EPRS1: variants seen among roughly 807,000 people sequenced by gnomAD.
EPRS1 encodes bifunctional glutamate/proline--tRNA ligase.
EPRS1 carries 107 observed loss-of-function variants against 188.3 expected under a neutral mutation model. The ratio of observed to expected loss-of-function variants is 0.57; its 90% CI spans 0.49 to 0.67. The LOEUF (loss-of-function observed/expected upper bound fraction) is 0.67, where lower values mean the gene tolerates loss of function less well. Among genes scored for constraint, EPRS1 ranks in the 30% least tolerant of loss-of-function variants. The pLI, the probability that EPRS1 is intolerant of heterozygous loss-of-function variation, is 0.00. For synonymous variants in EPRS1, 596 were observed against 593.1 expected (o/e 1.00, Z -0.07); for missense variants, 1,577 against 1,802.2 (o/e 0.88, Z 2.26).
chr1:219,991,007 A>C (rs1377227493), intron 18 of EPRS1, among the ~76,000 whole-genome samples: 2 of 152,188 alleles, frequency 1.3e-5, no homozygotes, highest in African/African-American at 2.4e-5. Context: ...GAAAAGAAAC[A>C]ACCTATACAA....
In EPRS1 at chr1:220,022,471, G is replaced by T; in HGVS notation, c.991C>A (p.Gln331Lys). The change falls in exon 9 of 32, where the codon CAG becomes AAG. Residue 331 changes from glutamine (Q) to lysine (K), a missense_variant. Coordinates refer to ENST00000366923, the MANE Select transcript of EPRS1 (RefSeq NM_004446.3). ...QMWEEMKKGS[Q>K]FGQSCCLRAK... is the part of the protein sequence containing the mutation. ...CGCAAACAACAGGACTGACCAAACTGGCTCCCTTTTTTCATTTCTTCCCAC... is the reference window on the plus strand; with the variant it reads ...CGCAAACAACAGGACTGACCAAACTTGCTCCCTTTTTTCATTTCTTCCCAC... The T allele has an allele frequency of 3.7e-6, 6 of 1,613,662 alleles. No individual in the cohort carries two copies. Among genetic ancestry groups the T allele is most frequent in the Non-Finnish European group, 4.2e-6 (5 of 1,179,796 alleles).
chr1:220,023,893 C>T (rs1468084696), intron 8 of EPRS1, among the ~76,000 whole-genome samples: 2 of 152,190 alleles, frequency 1.3e-5, no homozygotes, highest in Admixed American at 6.5e-5. Context: ...GTGGCTCATG[C>T]CTGTAATCCC....
At chr1:220,027,258 A>C (rs938049068) in intron 6 of EPRS1, among the ~76,000 whole-genome samples, 1 of 152,068 alleles carries the variant, frequency 6.6e-6, no homozygotes, top group African/African-American at 2.4e-5. Flanking sequence ...CCCCGTCTCT[A>C]CTAAAAAAAA....
intron 1 of EPRS1, among the ~76,000 whole-genome samples, chr1:220,045,899 G>A (rs931802617): frequency 1.3e-5 from 2 of 152,198 alleles, no homozygotes; most frequent in African/African-American, 4.8e-5. Context: ...CTCCTGAGAG[G>A]AGGGACAGGA....
At chr1:219,986,442 C>T (rs972027165) in intron 20 of EPRS1, among the ~76,000 whole-genome samples, 5 of 152,174 alleles carry the variant, frequency 3.3e-5, no homozygotes, top group Non-Finnish European at 4.4e-5. Flanking sequence ...ATCTGCGATG[C>T]CAATATCAAG....
chr1:219,979,373 C>CT (rs1443247353), intron 27 of EPRS1, 45 bp downstream of exon 27: 4 of 1,434,506 alleles, frequency 2.8e-6, no homozygotes, highest in Admixed American at 3.7e-5. Context: ...GTAAATATGG[C>CT]TTGTATTTTA....
intron 20 of EPRS1, among the ~76,000 whole-genome samples, chr1:219,985,898 T>A (rs1429341046): frequency 6.6e-6 from 1 of 152,232 alleles, no homozygotes; most frequent in Non-Finnish European, 1.5e-5. Flanking sequence ...TGTATTTGCA[T>A]TTGCATTCTC....
chr1:219,974,882 T>C (rs796787089), intron 28 of EPRS1, among the ~76,000 whole-genome samples: 80 of 152,218 alleles, frequency 5.3e-4, no homozygotes, highest in African/African-American at 1.9e-3. Flanking sequence ...AAGGCACACA[T>C]ATAAACAACA....
chr1:220,008,765 G>GCAGCCTTGAACTCCTGAGCTCA (rs1661545089), intron 13 of EPRS1, among the ~76,000 whole-genome samples: 1 of 151,878 alleles, frequency 6.6e-6, no homozygotes, highest in Non-Finnish European at 1.5e-5. Context: ...GTCACAGCTC[G>GCAGCCTTGAACTCCTGAGCTCA]CTGCAGCCTT....
At chr1:220,022,067 A>C (rs1661887234) in intron 9 of EPRS1, among the ~76,000 whole-genome samples, 1 of 152,214 alleles carries the variant, frequency 6.6e-6, no homozygotes, top group Non-Finnish European at 1.5e-5. Context: ...AAAGATGTAC[A>C]TCACAGTATA....
At chr1:220,039,923 G>C (rs944585830) in intron 2 of EPRS1, among the ~76,000 whole-genome samples, 2 of 152,210 alleles carry the variant, frequency 1.3e-5, no homozygotes, top group Non-Finnish European at 2.9e-5. Context: ...TTGAGGCCAG[G>C]GGTTCGAAAC....
rs146737744 is a variant in EPRS1, at chr1:220,046,368, G to C, written c.21C>G (p.Thr7=). Residue 7 remains threonine, a synonymous_variant, in exon 1 of 32, where the codon ACC becomes ACG. Transcript: ENST00000366923. Reference sequence around the variant, plus strand: ...CTAGCGGAGGGTCTCCTGAATTCACGGTCAGAGAGAGCGTCGCCATCTCCA... The same window carrying C: ...CTAGCGGAGGGTCTCCTGAATTCACCGTCAGAGAGAGCGTCGCCATCTCCA... The part of the protein sequence containing the change: MATLSL[T]VNSGDPPLGA... The C allele has an allele frequency of 8.1e-6, 13 of 1,613,976 alleles. No homozygotes were observed. Among genetic ancestry groups the C allele is most frequent in the Admixed American group, 1.7e-5 (1 of 60,008 alleles).
Position 219,984,238 on chromosome 1 carries a change from T to C in EPRS1, c.3058A>G (p.Lys1020Glu), listed in dbSNP as rs1323306984. Residue 1020 changes from lysine to glutamate, a missense_variant, in exon 21 of 32, where the codon AAA becomes GAA. Around this residue, in one of 3 missense-constraint regions of EPRS1, gnomAD observed 1,278 missense variants for 1,457.4 expected, o/e 0.88. Coordinates refer to ENST00000366923, the MANE Select transcript of EPRS1 (RefSeq NM_004446.3). ...TACCAATCAGCAAGATTTTCTTCTT[T>C]TTTTGCCTCAAGACCCAACCTGCAG... ...KQTRLGLEAKKEENLADWYSQ... is the reference protein window; with the variant it reads ...KQTRLGLEAKEEENLADWYSQ... 4 of 1,613,676 alleles carry C rather than the reference T, an allele frequency of 2.5e-6. No homozygotes were observed. The highest frequency in any genetic ancestry group is 3.4e-6 in the Non-Finnish European group (4 of 1,179,634).
rs775035918 is a variant in EPRS1, at chr1:220,040,232, G to A, written c.84C>T (p.Val28=). The part of the protein sequence containing the change: ...LLAVEHVKDD[V]SISVEEGKEN... Reference sequence around the variant, plus strand: ...CTTTCCCTTCTTCAACGGAAATGCTGACATCGTCTTTCACGTGTTCTACTG... The same window carrying A: ...CTTTCCCTTCTTCAACGGAAATGCTAACATCGTCTTTCACGTGTTCTACTG... The change falls in exon 2 of 32, where the codon GTC becomes GTT. Residue 28 remains valine (V), a synonymous_variant. Transcript: ENST00000366923. The A allele has an allele frequency of 1.6e-5, 25 of 1,610,382 alleles. No individual in the cohort carries two copies. The East Asian group carries it at 5.6e-4, about 36-fold the overall frequency.
In EPRS1 at chr1:220,031,704, T is replaced by G. The variant is rs1662086707; in HGVS notation, c.528+683A>C. ...AACTCTGGTAGAGAAAAGGAGCTTT[T>G]GTACTGTACACTATGTCACATTTTC... On this transcript the variant is annotated intron_variant, in intron 5 of 31. Coordinates refer to ENST00000366923, the MANE Select transcript of EPRS1 (RefSeq NM_004446.3). Among the ~76,000 whole-genome samples, 3 of 152,214 alleles carry G rather than the reference T, an allele frequency of 2.0e-5. No individual in the cohort carries two copies. The South Asian group carries it at 6.2e-4, about 32-fold the overall frequency.
chr1:220,015,089 G>A (rs530896249), intron 12 of EPRS1, among the ~76,000 whole-genome samples: 2 of 152,258 alleles, frequency 1.3e-5, no homozygotes, highest in South Asian at 2.1e-4. Context: ...GACAGAACAC[G>A]AAACAAGAGT....
chr1:220,023,151 C>A (rs1661909656), intron 8 of EPRS1, among the ~76,000 whole-genome samples: 1 of 152,072 alleles, frequency 6.6e-6, no homozygotes, highest in South Asian at 2.1e-4. Context: ...GAGTTTAATA[C>A]CAGAAAAAAG....
chr1:220,025,796 T>A (rs9988498), intron 6 of EPRS1, among the ~76,000 whole-genome samples: 117,885 of 146,670 alleles, frequency 0.8, 46,527 homozygotes, highest in East Asian at 0.92. Flanking sequence ...AAAATAAAAG[T>A]TTTTTTTTTT....
At chr1:220,037,505 C>CAAAA (rs766349279) in intron 2 of EPRS1, among the ~76,000 whole-genome samples, 1 of 52,326 alleles carries the variant, frequency 1.9e-5, no homozygotes, top group Non-Finnish European at 4.1e-5. Context: ...ACTCCATCTC[C>CAAAA]AAAAAAAAAA....
Sources: allele counts gnomAD v4.1 joint callset (sites outside exome capture counted in the v4.1 genomes callset), GRCh38; gene constraint gnomAD v4.1.1; regional missense constraint gnomAD v4.1.1; transcripts MANE v1.5; gene names NCBI Gene and HGNC (gene_info 2026-07-23, HGNC 2026-07-21).